Variants in NOCT observed in about 807,000 individuals in gnomAD.
NOCT encodes CCR4 carbon catabolite repression 4-like.
A neutral mutation model predicts 35.0 loss-of-function variants in NOCT; 18 were observed. The observed-to-expected ratio is 0.51, with a 90% CI of 0.36 to 0.76. The LOEUF is 0.76. NOCT is among the 30% of genes least tolerant of loss of function. The probability of loss-of-function intolerance (pLI) is 0.01; values close to 1 mark genes in which losing one functional copy is unlikely to be tolerated. For missense variants in NOCT, 479 were observed against 541.0 expected (o/e 0.89, Z 1.14); for synonymous variants, 235 against 226.3 (o/e 1.04, Z -0.34).
At chr4:139,017,194 A>G (rs1459434695) in intron 1 of NOCT, among the ~76,000 whole-genome samples, 1 of 142,544 alleles carries the variant, frequency 7.0e-6, no homozygotes, top group Non-Finnish European at 1.5e-5. Context: ...AAATTGATAA[A>G]TTTTTTCTTT....
intron 1 of NOCT, among the ~76,000 whole-genome samples, chr4:139,037,824 G>A (rs150342790): frequency 7.9e-5 from 12 of 152,038 alleles, no homozygotes; most frequent in African/African-American, 2.9e-4. Flanking sequence ...GGAGTTTGAG[G>A]CTACAGTGGG....
chr4:139,022,957 G>A (rs1345301090), intron 1 of NOCT, among the ~76,000 whole-genome samples: 4 of 152,124 alleles, frequency 2.6e-5, no homozygotes, highest in South Asian at 2.1e-4. Flanking sequence ...AAAATTAGCC[G>A]GGTGTTGGTG....
At chr4:139,017,225 C>CTTTT (rs547505786) in intron 1 of NOCT, among the ~76,000 whole-genome samples, 5 of 122,840 alleles carry the variant, frequency 4.1e-5, no homozygotes, top group Admixed American at 9.0e-5. Flanking sequence ...CAATACATAA[C>CTTTT]TTTTTTTTTT....
chr4:139,043,102 A>T lies in NOCT; in HGVS notation c.219A>T (p.Arg73Ser). Residue 73 changes from arginine to serine, a missense_variant, in exon 2 of 3, where the codon AGA (arginine) becomes AGT (serine). Transcript: ENST00000280614. ...GTTCCATGGGAACCGGTACAAGCAGACTCTATAGTGCTCTCGCCAAGACAC... is the reference window on the plus strand; with the variant it reads ...GTTCCATGGGAACCGGTACAAGCAGTCTCTATAGTGCTCTCGCCAAGACAC... Reference protein sequence around the residue: ...TVCSMGTGTSRLYSALAKTLN... With the variant: ...TVCSMGTGTSSLYSALAKTLN... The T allele has an allele frequency of 6.2e-7, 1 of 1,607,420 alleles. No individual in the cohort carries two copies. Among genetic ancestry groups the T allele is most frequent in the Non-Finnish European group, 8.5e-7 (1 of 1,174,646 alleles).
chr4:139,037,359 A>G lies in NOCT; in HGVS notation c.191-5715A>G, dbSNP rs145022071. Among the ~76,000 whole-genome samples, 82 of 152,362 alleles carry G rather than the reference A, an allele frequency of 5.4e-4. 1 individual carries two copies. Among genetic ancestry groups the G allele is most frequent in the African/African-American group, 1.8e-3 (74 of 41,590 alleles). ...TTCCATACATGAGTAGTGTTATCAC[A>G]CCTGACAAGAATTATTCATTGTTTT... On this transcript the variant is annotated intron_variant, in intron 1 of 2. Coordinates refer to ENST00000280614, the MANE Select transcript of NOCT (RefSeq NM_012118.4).
At chr4:139,030,750 G>A (rs1726608742) in intron 1 of NOCT, among the ~76,000 whole-genome samples, 1 of 152,176 alleles carries the variant, frequency 6.6e-6, no homozygotes, top group Non-Finnish European at 1.5e-5. Flanking sequence ...CCTACTCTAA[G>A]AAGGCTAATG....
intron 1 of NOCT, among the ~76,000 whole-genome samples, chr4:139,019,102 A>T (rs1192670737): frequency 1.3e-5 from 2 of 151,816 alleles, no homozygotes; most frequent in Non-Finnish European, 2.9e-5. Flanking sequence ...GTTGCCCAGG[A>T]TGGAGTGTAG....
chr4:139,044,907 C>G lies in NOCT; in HGVS notation c.729C>G (p.Asn243Lys). Residue 243 changes from asparagine (N) to lysine (K), a missense_variant, in exon 3 of 3, where the codon AAC (asparagine) becomes AAG (lysine). By Grantham distance (94) the Asn-to-Lys change is moderately conservative. This residue lies in a region of NOCT where 214 missense variants were observed against 284.0 expected (regional missense o/e 0.75). Coordinates refer to ENST00000280614, the MANE Select transcript of NOCT (RefSeq NM_012118.4). ...GTTGTGCCTTATTTTTTCTTCAAAACCGATTCAAGCTAGTCAACAGTGCCA... is the reference window on the plus strand; with the variant it reads ...GTTGTGCCTTATTTTTTCTTCAAAAGCGATTCAAGCTAGTCAACAGTGCCA... ...PDGCALFFLQ[N>K]RFKLVNSANI... 1 of 1,614,150 alleles carries G rather than the reference C, an allele frequency of 6.2e-7. No individual in the cohort carries two copies. Among genetic ancestry groups the G allele is most frequent in the Non-Finnish European group, 8.5e-7 (1 of 1,180,022 alleles).
chr4:139,039,742 G>GT (rs1225221607), intron 1 of NOCT, among the ~76,000 whole-genome samples: 3 of 151,406 alleles, frequency 2.0e-5, no homozygotes, highest in African/African-American at 7.3e-5. Context: ...GTTTTGTTTT[G>GT]TTTTGAGATG....
At chr4:139,017,312 C>G (rs1434756981) in intron 1 of NOCT, among the ~76,000 whole-genome samples, 1 of 148,528 alleles carries the variant, frequency 6.7e-6, no homozygotes, top group Non-Finnish European at 1.5e-5. Context: ...ACCGCAACCT[C>G]TGCCTCCCGG....
Position 139,045,460 on chromosome 4 carries a change from G to C in NOCT, c.1282G>C (p.Asp428His). 1 of 1,551,882 alleles carries C rather than the reference G, an allele frequency of 6.4e-7. No homozygotes were observed. Among genetic ancestry groups the C allele is most frequent in the South Asian group, 1.1e-5 (1 of 87,278 alleles). ...VCDFSFTEES[D>H]GLS Reference sequence around the variant, plus strand: ...TGACTTCAGCTTTACTGAGGAATCTGATGGACTTTCATAAATACTTGCTTT... The same window carrying C: ...TGACTTCAGCTTTACTGAGGAATCTCATGGACTTTCATAAATACTTGCTTT... Residue 428 changes from aspartate to histidine, a missense_variant, in exon 3 of 3, where the codon GAT (aspartate) becomes CAT (histidine). By Grantham distance (81) the Asp-to-His change is moderately conservative. This residue lies in a region of NOCT where 214 missense variants were observed against 284.0 expected (regional missense o/e 0.75). Coordinates refer to ENST00000280614, the MANE Select transcript of NOCT (RefSeq NM_012118.4).
intron 1 of NOCT, among the ~76,000 whole-genome samples, chr4:139,037,032 C>T (rs1456677110): frequency 6.6e-6 from 1 of 152,178 alleles, no homozygotes; most frequent in Non-Finnish European, 1.5e-5. Flanking sequence ...GCTCATTATG[C>T]AACAGACTAA....
chr4:139,035,766 G>A (rs1260597434), intron 1 of NOCT, among the ~76,000 whole-genome samples: 3 of 152,138 alleles, frequency 2.0e-5, no homozygotes. Flanking sequence ...GGCCCTACCC[G>A]ATCTGCTCCC....
Position 139,045,221 on chromosome 4 carries a change from A to G in NOCT, c.1043A>G (p.Tyr348Cys). The change falls in exon 3 of 3, where the codon TAC (tyrosine) becomes TGC (cysteine). Residue 348 changes from tyrosine (Y) to cysteine (C), a missense_variant. By Grantham distance (194) the Tyr-to-Cys change is radical (BLOSUM62 -2). Transcript: ENST00000280614. ...TCCAGCCTCAACCTGAACAGCGCCT[A>G]CAAGCTGCTGAGTGCTGATGGGCAG... is the stretch of plus-strand genomic sequence containing the variant. Reference protein sequence around the residue: ...ASSSLNLNSAYKLLSADGQSE... With the variant: ...ASSSLNLNSACKLLSADGQSE... The G allele has an allele frequency of 6.2e-7, 1 of 1,614,148 alleles. No homozygotes were observed.
chr4:139,040,927 G>A (rs912870142), intron 1 of NOCT, among the ~76,000 whole-genome samples: 20 of 151,980 alleles, frequency 1.3e-4, no homozygotes, highest in Admixed American at 3.3e-4. Context: ...AGTACAAGAA[G>A]AAAGACTTTC....
At position 139,020,660 on chromosome 4, in the gene NOCT, A is replaced by G. The variant is rs542366364; in HGVS notation, c.190+4489A>G. Among the ~76,000 whole-genome samples, 3 of 152,180 alleles carry G rather than the reference A, an allele frequency of 2.0e-5. No individual in the cohort carries two copies. In the East Asian group the frequency reaches 5.8e-4, roughly 29 times the overall value. On this transcript the variant is annotated intron_variant, in intron 1 of 2. Transcript: ENST00000280614. ...GCATATTTAACAAGTGCCTCAGGGG[A>G]TTCTTCCAAAAAGATTAGGGAGTAT...
rs1425008144 is a variant in NOCT, at chr4:139,043,664, C to G, written c.460+321C>G. 1.5e-5 allele frequency: 3 copies of G among 195,508 alleles called. No homozygotes were observed. In the Admixed American group the frequency reaches 1.7e-4, roughly 11 times the overall value. 12.1% of individuals were successfully genotyped at this position (195,508 alleles called of 1,614,324 possible). ...GGTGCAGTGGCTCACACCTGTAATC[C>G]CAGCACTTTGGGAGGCCGAGGTGGG... On this transcript the variant is annotated intron_variant, in intron 2 of 2. Coordinates refer to ENST00000280614, the MANE Select transcript of NOCT (RefSeq NM_012118.4).
intron 1 of NOCT, among the ~76,000 whole-genome samples, chr4:139,023,787 G>C (rs1432068492): frequency 2.6e-5 from 4 of 152,102 alleles, no homozygotes; most frequent in Non-Finnish European, 5.9e-5. Flanking sequence ...CACCATGCCC[G>C]GCCTTGCCTC....
intron 1 of NOCT, among the ~76,000 whole-genome samples, chr4:139,024,499 C>T (rs1250528188): frequency 1.3e-5 from 2 of 152,058 alleles, no homozygotes; most frequent in African/African-American, 4.8e-5. Flanking sequence ...TCTATAATGT[C>T]TCTCGTACTT....
Sources: gnomAD v4.1 joint callset for allele counts (sites outside exome capture counted in the v4.1 genomes callset) on GRCh38, gnomAD v4.1.1 for gene constraint, gnomAD v4.1.1 regional missense constraint, MANE v1.5 for transcripts, NCBI Gene and HGNC (gene_info 2026-07-23, HGNC 2026-07-21) for gene names.